Variants in OR5K1 observed in about 807,000 individuals in gnomAD.
The protein encoded by OR5K1 is olfactory receptor 5K1.
A neutral mutation model predicts 10.4 loss-of-function variants in OR5K1; 7 were observed. The ratio of observed to expected loss-of-function variants is 0.67; its 90% CI spans 0.38 to 1.26. OR5K1 has a LOEUF of 1.26. OR5K1 is among the 50% of genes most tolerant of loss of function. The probability of loss-of-function intolerance (pLI) is 0.02; values close to 1 mark genes in which losing one functional copy is unlikely to be tolerated. For synonymous variants in OR5K1, 135 were observed against 128.5 expected, an observed-to-expected ratio of 1.05 and a Z score of -0.34; for missense variants, 435 against 366.2, an observed-to-expected ratio of 1.19 and a Z score of -1.53.
rs1456939602 is a variant in OR5K1, at chr3:98,470,300, G to T, written c.724G>T (p.Ala242Ser). 6.2e-7 allele frequency: 1 copy of T among 1,613,076 alleles called. No homozygotes were observed. Among genetic ancestry groups the T allele is most frequent in the East Asian group, 2.2e-5 (1 of 44,844 alleles). Residue 242 changes from alanine (A) to serine (S), a missense_variant, in exon 2 of 2, where the codon GCA (alanine) becomes TCA (serine). By Grantham distance (99) the Ala-to-Ser change is moderately conservative. Coordinates refer to ENST00000642057, the MANE Select transcript of OR5K1 (RefSeq NM_001004736.4). ...EGRAKAFSTCASHFLSVSLFY... is the reference protein window; with the variant it reads ...EGRAKAFSTCSSHFLSVSLFY... Reference sequence around the variant, plus strand: ...AAGGGCCAAAGCTTTTTCTACCTGTGCATCCCACTTTTTGTCAGTTTCATT... The same window carrying T: ...AAGGGCCAAAGCTTTTTCTACCTGTTCATCCCACTTTTTGTCAGTTTCATT...
intron 1 of OR5K1, among the ~76,000 whole-genome samples, chr3:98,463,636 A>G (rs1427502268): frequency 6.6e-6 from 1 of 151,248 alleles, no homozygotes; most frequent in African/African-American, 2.4e-5. Context: ...TGATGAAATG[A>G]ATTATTAACC....
At chr3:98,463,425 GTTAAA>G (rs1482931256) in intron 1 of OR5K1, 118 bp downstream of exon 1, 1 of 151,982 alleles carries the variant, frequency 6.6e-6, no homozygotes, top group Non-Finnish European at 1.5e-5. Flanking sequence ...TTTTAAGCTG[GTTAAA>G]TTATTTTTAA....
intron 1 of OR5K1, among the ~76,000 whole-genome samples, chr3:98,466,750 G>GT (rs1323920761): frequency 3.1e-5 from 4 of 130,368 alleles, no homozygotes; most frequent in African/African-American, 1.4e-4. Context: ...GGGGTTGTTT[G>GT]TTTTTTTCTT....
At position 98,469,836 on chromosome 3, in the gene OR5K1, C is replaced by T. The variant is rs1207186457; in HGVS notation, c.260C>T (p.Ser87Phe). 5 of 1,613,652 alleles carry T rather than the reference C, an allele frequency of 3.1e-6. No individual in the cohort carries two copies. In the Admixed American group the frequency reaches 5.0e-5, roughly 16 times the overall value. The change falls in exon 2 of 2, where the codon TCT becomes TTT. Residue 87 changes from serine to phenylalanine, a missense_variant. Transcript: ENST00000642057. ...CCCAAAATGTTAGAGAACTTCTTTTCTGAGAACAAAAGGATTTCCCTCTAT... is the reference window on the plus strand; with the variant it reads ...CCCAAAATGTTAGAGAACTTCTTTTTTGAGAACAAAAGGATTTCCCTCTAT... ...ITPKMLENFF[S>F]ENKRISLYEC...
At chr3:98,466,563 G>GT (rs1280651806) in intron 1 of OR5K1, among the ~76,000 whole-genome samples, 1 of 67,724 alleles carries the variant, frequency 1.5e-5, no homozygotes, top group East Asian at 5.0e-4. Context: ...AGCACCTGTT[G>GT]TTTCCTGACT....
chr3:98,470,546 T>G lies in OR5K1; in HGVS notation c.*43T>G. Reference sequence around the variant, plus strand: ...ACAAGTGACATCTACTATAGCTTAATGATTTAAATGCAGCAAAAACTTCCA... The same window carrying G: ...ACAAGTGACATCTACTATAGCTTAAGGATTTAAATGCAGCAAAAACTTCCA... On this transcript the variant is annotated 3_prime_UTR_variant, in exon 2 of 2. Transcript: ENST00000642057. 1 of 1,191,574 alleles carries G rather than the reference T, an allele frequency of 8.4e-7. No homozygotes were observed. The highest frequency in any genetic ancestry group is 1.2e-6 in the Non-Finnish European group (1 of 841,338). The allele number at this position is 1,191,574 out of a possible 1,614,324, so 73.8% of individuals were successfully genotyped here.
Position 98,471,679 on chromosome 3 carries a change from T to C in OR5K1, c.*1176T>C, listed in dbSNP as rs1365560614. 2.0e-5 allele frequency: 3 copies of C among 151,904 alleles called. No homozygotes were observed. The highest frequency in any genetic ancestry group is 7.3e-5 in the African/African-American group (3 of 41,376). 9.4% of individuals were successfully genotyped at this position (151,904 alleles called of 1,614,324 possible). A position where few individuals can be genotyped will look rare whatever the true frequency, so the allele number is the denominator to read the frequency against. On this transcript the variant is annotated 3_prime_UTR_variant, in exon 2 of 2. Coordinates refer to ENST00000642057, the MANE Select transcript of OR5K1 (RefSeq NM_001004736.4). Reference sequence around the variant, plus strand: ...ACCTATGTCACATAATAGAAAAACATCTCCCTTCCACCTCTTGCTCTGAGG... The same window carrying C: ...ACCTATGTCACATAATAGAAAAACACCTCCCTTCCACCTCTTGCTCTGAGG...
chr3:98,467,134 C>T lies in OR5K1; in HGVS notation c.-11-2432C>T, dbSNP rs1705384726. Among the ~76,000 whole-genome samples, 2 of 103,592 alleles carry T rather than the reference C, an allele frequency of 1.9e-5. 1 individual carries two copies. Among genetic ancestry groups the T allele is most frequent in the Non-Finnish European group, 3.8e-5 (2 of 52,780 alleles). The allele number at this position is 103,592 out of a possible 152,430, so 68.0% of individuals were successfully genotyped here. A position where few individuals can be genotyped will look rare whatever the true frequency, so the allele number is the denominator to read the frequency against. ...TCTACCTATGGCTATCCAGTTTTCC[C>T]AGCACCATTTATTAAATAGGGAATC... On this transcript the variant is annotated intron_variant, in intron 1 of 1. Transcript: ENST00000642057.
At chr3:98,466,612 C>T (rs889979991) in intron 1 of OR5K1, among the ~76,000 whole-genome samples, 1 of 102,988 alleles carries the variant, frequency 9.7e-6, no homozygotes, top group African/African-American at 5.0e-5. Flanking sequence ...GAGATGATAT[C>T]TCATAGTGGT....
Position 98,470,196 on chromosome 3 carries a change from A to C in OR5K1, c.620A>C (p.Gln207Pro), listed in dbSNP as rs748930349. The C allele has an allele frequency of 3.7e-6, 6 of 1,613,268 alleles. No homozygotes were observed. Among genetic ancestry groups the C allele is most frequent in the Non-Finnish European group, 5.1e-6 (6 of 1,179,514 alleles). ...CTATTCATCTTCTCAGGTTCAGTTC[A>C]AGTCTTTACCATAGGTAGTGTCTTA... ...LVLFIFSGSV[Q>P]VFTIGSVLIS... is the part of the protein sequence containing the mutation. The change falls in exon 2 of 2, where the codon CAA becomes CCA. Residue 207 changes from glutamine to proline, a missense_variant. Gln to Pro is a moderately conservative substitution (Grantham distance 76). Transcript: ENST00000642057.
rs1250519791 is a variant in OR5K1 at position 98,471,830 on chromosome 3, T to C, written c.*1327T>C. The C allele has an allele frequency of 2.6e-5, 4 of 152,062 alleles. No homozygotes were observed. Among genetic ancestry groups the C allele is most frequent in the African/African-American group, 9.7e-5 (4 of 41,430 alleles). 9.4% of individuals were successfully genotyped at this position (152,062 alleles called of 1,614,324 possible). A position where few individuals can be genotyped will look rare whatever the true frequency, so the allele number is the denominator to read the frequency against. ...AAAAAGTAATAGGAGAGCAGATGAA[T>C]TTCCAATTCCCTAACTCATCAATGC... On this transcript the variant is annotated 3_prime_UTR_variant, in exon 2 of 2. Transcript: ENST00000642057.
intron 1 of OR5K1, chr3:98,469,338 A>G: frequency 1.8e-6 from 1 of 553,402 alleles, no homozygotes; most frequent in Non-Finnish European, 3.2e-6. Flanking sequence ...GTACTATTAA[A>G]ATGGTTTAAA....
rs368084022 is a variant in OR5K1, at chr3:98,471,066, T to C, written c.*563T>C. The C allele has an allele frequency of 1.3e-5, 2 of 152,028 alleles. No individual in the cohort carries two copies. Among genetic ancestry groups the C allele is most frequent in the African/African-American group, 4.8e-5 (2 of 41,410 alleles). The allele number at this position is 152,028 out of a possible 1,614,324, so 9.4% of individuals were successfully genotyped here. A position where few individuals can be genotyped will look rare whatever the true frequency, so the allele number is the denominator to read the frequency against. On this transcript the variant is annotated 3_prime_UTR_variant, in exon 2 of 2. Coordinates refer to ENST00000642057, the MANE Select transcript of OR5K1 (RefSeq NM_001004736.4). ...AAAGGAAGTATTAGGAAAACGAAGG[T>C]GTCAAATAATAGTGAATATCAGATT...
chr3:98,464,632 A>G (rs2107087124), intron 1 of OR5K1, among the ~76,000 whole-genome samples: 1 of 152,328 alleles, frequency 6.6e-6, no homozygotes, highest in East Asian at 1.9e-4. Context: ...GTAGATAATG[A>G]AAGTTTTTAA....
intron 1 of OR5K1, 170 bp from the exon 2 acceptor site, chr3:98,469,396 G>T: frequency 1.6e-6 from 1 of 620,792 alleles, no homozygotes; most frequent in South Asian, 2.2e-5. Context: ...TAGCCAAAGA[G>T]GTAATTCCTT....
chr3:98,464,025 C>T (rs1024713370), intron 1 of OR5K1, among the ~76,000 whole-genome samples: 2 of 152,050 alleles, frequency 1.3e-5, no homozygotes, highest in Non-Finnish European at 2.9e-5. Context: ...GAGGCTGAGG[C>T]AGGAGGATCA....
chr3:98,469,320 A>C (rs1291430181), intron 1 of OR5K1, among the ~76,000 whole-genome samples: 1 of 152,094 alleles, frequency 6.6e-6, no homozygotes, highest in African/African-American at 2.4e-5. Flanking sequence ...CTGAAAAACT[A>C]CTATTAGGTA....
Position 98,470,299 on chromosome 3 carries a change from T to A in OR5K1, c.723T>A (p.Cys241Ter). 6.2e-7 allele frequency: 1 copy of A among 1,613,396 alleles called. No individual in the cohort carries two copies. The highest frequency in any genetic ancestry group is 8.5e-7 in the Non-Finnish European group (1 of 1,179,622). ...KEGRAKAFSTCASHFLSVSLF... is the reference protein window; with the variant it reads ...KEGRAKAFST The stretch of plus-strand genomic sequence containing the variant: ...GAAGGGCCAAAGCTTTTTCTACCTG[T>A]GCATCCCACTTTTTGTCAGTTTCAT... The change falls in exon 2 of 2, where the codon TGT (cysteine) becomes TGA (stop). Residue 241 changes from cysteine (C) to a stop codon, truncating the protein, a stop_gained. Coordinates refer to ENST00000642057, the MANE Select transcript of OR5K1 (RefSeq NM_001004736.4). LOFTEE classifies it high-confidence loss of function.
chr3:98,469,748 C>A lies in OR5K1; in HGVS notation c.172C>A (p.Pro58Thr). 6.2e-7 allele frequency: 1 copy of A among 1,613,814 alleles called. No homozygotes were observed. The highest frequency in any genetic ancestry group is 8.5e-7 in the Non-Finnish European group (1 of 1,179,828). The change falls in exon 2 of 2, where the codon CCA (proline) becomes ACA (threonine). Residue 58 changes from proline to threonine, a missense_variant. Physicochemically the swap from Pro to Thr is conservative, Grantham distance 38 (BLOSUM62 -1). Transcript: ENST00000642057. Reference protein sequence around the residue: ...LIFTHRRLHTPMYIFLGNLAL... With the variant: ...LIFTHRRLHTTMYIFLGNLAL... ...ATTTACACACCGTCGGCTTCACACA[C>A]CAATGTACATCTTTCTGGGAAATCT...
Sources: gnomAD v4.1 joint callset for allele counts (sites outside exome capture counted in the v4.1 genomes callset) on GRCh38, gnomAD v4.1.1 for gene constraint, MANE v1.5 for transcripts, NCBI Gene and HGNC (gene_info 2026-07-23, HGNC 2026-07-21) for gene names.